Variants in GPATCH8 observed in about 807,000 individuals in gnomAD.
GPATCH8 encodes the protein G-patch domain containing 8, also known as G patch domain-containing protein 8.
A neutral mutation model predicts 118.3 loss-of-function variants in GPATCH8; 18 were observed. That is an observed-to-expected ratio of 0.15 (90% confidence interval 0.11 to 0.23). The LOEUF (loss-of-function observed/expected upper bound fraction) is 0.23. GPATCH8 is among the 10% of genes least tolerant of loss of function. The pLI, the probability that GPATCH8 is intolerant of heterozygous loss-of-function variation, is 1.00. For synonymous variants in GPATCH8, 659 were observed against 684.7 expected, an observed-to-expected ratio of 0.96 and a Z score of 0.59; for missense variants, 1,631 against 1,873.8, an observed-to-expected ratio of 0.87 and a Z score of 2.39.
chr17:44,442,815 C>T (rs957709701), intron 3 of GPATCH8, among the ~76,000 whole-genome samples: 5 of 152,042 alleles, frequency 3.3e-5, no homozygotes, highest in Admixed American at 1.3e-4. Context: ...TGGTGGCTCA[C>T]GCCTGTAATC....
At chr17:44,424,217 G>T in intron 6 of GPATCH8, 132 bp downstream of exon 6, 1 of 712,528 alleles carries the variant, frequency 1.4e-6, no homozygotes. Context: ...AAAGTGTGTT[G>T]GATGACTGCA....
At chr17:44,417,670 C>T (rs534780723) in intron 6 of GPATCH8, among the ~76,000 whole-genome samples, 8 of 152,204 alleles carry the variant, frequency 5.3e-5, no homozygotes, top group African/African-American at 1.9e-4. Context: ...TCAGAAGCCA[C>T]GGGAACCTGT....
At position 44,429,157 on chromosome 17, in the gene GPATCH8, C is replaced by A. The variant is rs1400795985; in HGVS notation, c.349-4665G>T. Among the ~76,000 whole-genome samples, 3 of 152,080 alleles carry A rather than the reference C, an allele frequency of 2.0e-5. No individual in the cohort carries two copies. In the East Asian group the frequency reaches 5.8e-4, roughly 29 times the overall value. Reference sequence around the variant, plus strand: ...ATCTCAAAAAAAAAGAATATTTACACAGACAAAAAGCCCATTATAGGCTAT... The same window carrying A: ...ATCTCAAAAAAAAAGAATATTTACAAAGACAAAAAGCCCATTATAGGCTAT... On this transcript the variant is annotated intron_variant, in intron 5 of 7. Transcript: ENST00000591680.
intron 3 of GPATCH8, among the ~76,000 whole-genome samples, chr17:44,453,496 T>TGTGTGTGTGTGTGTGTGTGTG (rs1568011330): frequency 6.9e-6 from 1 of 144,058 alleles, no homozygotes; most frequent in Non-Finnish European, 1.5e-5. Flanking sequence ...GGTAGGTAGG[T>TGTGTGTGTGTGTGTGTGTGTG]AGGGGTGTGT....
rs556782144 is a variant in GPATCH8, at chr17:44,488,174, C to T, written c.46-13271G>A. ...TCCTGACCTCGTGATCCACCTGCCTCGGCCTCCCAGAGTGCTGGGATTACA... is the reference window on the plus strand; with the variant it reads ...TCCTGACCTCGTGATCCACCTGCCTTGGCCTCCCAGAGTGCTGGGATTACA... On this transcript the variant is annotated intron_variant, in intron 1 of 7. Transcript: ENST00000591680. Among the ~76,000 whole-genome samples the T allele has an allele frequency of 2.0e-5, 3 of 148,400 alleles. No individual in the cohort carries two copies. The East Asian group carries it at 6.1e-4, about 30-fold the overall frequency.
intron 6 of GPATCH8, among the ~76,000 whole-genome samples, chr17:44,411,329 TGCACA>T (rs1357633855): frequency 1.3e-5 from 2 of 152,216 alleles, no homozygotes; most frequent in African/African-American, 4.8e-5. Flanking sequence ...CACACATTTC[TGCACA>T]GTGTTCTCTA....
At chr17:44,466,583 C>A (rs1307725510) in intron 2 of GPATCH8, among the ~76,000 whole-genome samples, 2 of 152,082 alleles carry the variant, frequency 1.3e-5, no homozygotes, top group Non-Finnish European at 2.9e-5. Flanking sequence ...CATTCCCTTA[C>A]CCAGTGTTCA....
rs1968175989 is a variant in GPATCH8, at chr17:44,480,866, A to G, written c.46-5963T>C. ...AACCTGGGTGACAGAGTGAGACTCCAGTCTCAAAAACAAAAACAAAAACAA... is the reference window on the plus strand; with the variant it reads ...AACCTGGGTGACAGAGTGAGACTCCGGTCTCAAAAACAAAAACAAAAACAA... On this transcript the variant is annotated intron_variant, in intron 1 of 7. Transcript: ENST00000591680. Among the ~76,000 whole-genome samples the G allele has an allele frequency of 2.0e-5, 3 of 151,528 alleles. No homozygotes were observed. The South Asian group carries it at 6.2e-4, about 31-fold the overall frequency.
chr17:44,403,394 A>C (rs1427421871), intron 7 of GPATCH8, among the ~76,000 whole-genome samples: 1 of 151,422 alleles, frequency 6.6e-6, no homozygotes, highest in African/African-American at 2.4e-5. Context: ...ATTAAAAAAA[A>C]ATTTTGCAGA....
intron 5 of GPATCH8, among the ~76,000 whole-genome samples, chr17:44,430,214 A>G (rs752137779): frequency 1.1e-4 from 17 of 152,172 alleles, no homozygotes; most frequent in Non-Finnish European, 2.4e-4. Flanking sequence ...ACCCTGATAC[A>G]AAGACATTAC....
chr17:44,479,626 G>C (rs1968050801), intron 1 of GPATCH8, among the ~76,000 whole-genome samples: 1 of 152,120 alleles, frequency 6.6e-6, no homozygotes, highest in African/African-American at 2.4e-5. Context: ...CCACAGGCTA[G>C]GCAAATATTT....
At chr17:44,429,655 C>T (rs1374657574) in intron 5 of GPATCH8, among the ~76,000 whole-genome samples, 6 of 144,024 alleles carry the variant, frequency 4.2e-5, no homozygotes, top group African/African-American at 1.6e-4. Flanking sequence ...ACTAAACACA[C>T]ACACACACAC....
At chr17:44,498,545 C>A (rs971740584) in intron 1 of GPATCH8, among the ~76,000 whole-genome samples, 31 of 152,302 alleles carry the variant, frequency 2.0e-4, no homozygotes, top group Non-Finnish European at 4.1e-4. Context: ...CACTCTCGAT[C>A]TCCTAAGAAT....
At chr17:44,427,895 A>C (rs1053065929) in intron 5 of GPATCH8, among the ~76,000 whole-genome samples, 3 of 152,192 alleles carry the variant, frequency 2.0e-5, no homozygotes, top group South Asian at 2.1e-4. Context: ...AACTAGAACA[A>C]CACAAATATA....
At chr17:44,434,170 A>G (rs2050417675) in intron 5 of GPATCH8, among the ~76,000 whole-genome samples, 1 of 151,222 alleles carries the variant, frequency 6.6e-6, no homozygotes, top group Non-Finnish European at 1.5e-5. Context: ...TAAAATAAAT[A>G]AATAAATAAA....
intron 1 of GPATCH8, among the ~76,000 whole-genome samples, chr17:44,502,374 T>G (rs1278982575): frequency 7.5e-6 from 1 of 132,562 alleles, no homozygotes. Context: ...TTTTTTTTTT[T>G]TGAGACTCTA....
chr17:44,488,352 G>A (rs1378989906), intron 1 of GPATCH8, among the ~76,000 whole-genome samples: 2 of 147,884 alleles, frequency 1.4e-5, no homozygotes, highest in Non-Finnish European at 3.0e-5. Context: ...GCACCACCAC[G>A]CCAGACCAAT....
intron 6 of GPATCH8, 69 bp downstream of exon 6, chr17:44,424,280 A>G: frequency 1.9e-6 from 2 of 1,032,624 alleles, no homozygotes; most frequent in Non-Finnish European, 3.1e-6. Flanking sequence ...TGGGGGGTAT[A>G]CTCATAAAAT....
Position 44,401,455 on chromosome 17 carries a change from T to G in GPATCH8, c.624-2A>C, listed in dbSNP as rs755029080. On this transcript the variant is annotated splice_acceptor_variant, in intron 7 of 7. Transcript: ENST00000591680. LOFTEE classifies it high-confidence loss of function. ...AACATGGGACCACTTCCAGGTGCAC[T>G]ACATGATGATTTAGAAAAATAAAAA... The G allele has an allele frequency of 6.3e-7, 1 of 1,582,838 alleles. No homozygotes were observed. The highest frequency in any genetic ancestry group is 1.7e-5 in the Admixed American group (1 of 59,964).
Sources: gnomAD v4.1 joint callset for allele counts (sites outside exome capture counted in the v4.1 genomes callset) on GRCh38, gnomAD v4.1.1 for gene constraint, MANE v1.5 for transcripts, NCBI Gene and HGNC (gene_info 2026-07-23, HGNC 2026-07-21) for gene names.